KANSL1L: variants seen among roughly 807,000 people sequenced by gnomAD.
The protein encoded by KANSL1L is KAT8 regulatory NSL complex subunit 1 like.
A neutral mutation model predicts 108.6 loss-of-function variants in KANSL1L; 25 were observed. The ratio of observed to expected loss-of-function variants is 0.23; its 90% CI spans 0.17 to 0.32. The LOEUF is 0.32. Among genes scored for constraint, KANSL1L ranks in the 10% least tolerant of loss-of-function variants. The probability of loss-of-function intolerance (pLI) is 1.00; values close to 1 mark genes in which losing one functional copy is unlikely to be tolerated. For synonymous variants in KANSL1L, 405 were observed against 395.1 expected, an observed-to-expected ratio of 1.03 and a Z score of -0.30; for missense variants, 1,137 against 1,125.7, an observed-to-expected ratio of 1.01 and a Z score of -0.14.
intron 6 of KANSL1L, among the ~76,000 whole-genome samples, chr2:210,046,555 A>G (rs2094225070): frequency 6.6e-6 from 1 of 152,118 alleles, no homozygotes; most frequent in South Asian, 2.1e-4. Context: ...TGAGCAAACC[A>G]ACCCAACACG....
intron 3 of KANSL1L, among the ~76,000 whole-genome samples, chr2:210,124,123 C>T (rs1355277709): frequency 1.3e-5 from 2 of 152,032 alleles, no homozygotes; most frequent in Non-Finnish European, 2.9e-5. Context: ...AGTAAGGAAA[C>T]AGACAACTTA....
At chr2:210,027,917 T>A (rs1358841257) in intron 11 of KANSL1L, among the ~76,000 whole-genome samples, 1 of 152,226 alleles carries the variant, frequency 6.6e-6, no homozygotes, top group East Asian at 1.9e-4. Context: ...TCTTCTAGAA[T>A]ATTATGCTCT....
rs567230844 is a variant in KANSL1L, at chr2:210,096,627, G to A, written c.1550+1459C>T. 9.2e-5 allele frequency: 91 copies of A among 985,246 alleles called. No individual in the cohort carries two copies. In the Middle Eastern group the frequency reaches 1.6e-3, roughly 17 times the overall value. 61.0% of individuals were successfully genotyped at this position (985,246 alleles called of 1,614,324 possible). A position where few individuals can be genotyped will look rare whatever the true frequency, so the allele number is the denominator to read the frequency against. ...CACAATGCTTATACACCAATTTGATGTGTTTTATGGGGCAGCTTAAAATAC... is the reference window on the plus strand; with the variant it reads ...CACAATGCTTATACACCAATTTGATATGTTTTATGGGGCAGCTTAAAATAC... On this transcript the variant is annotated intron_variant, in intron 5 of 14. Coordinates refer to ENST00000281772, the MANE Select transcript of KANSL1L (RefSeq NM_152519.4).
Position 210,023,124 on chromosome 2 carries a change from A to G in KANSL1L, c.2789T>C (p.Leu930Ser). 6.2e-7 allele frequency: 1 copy of G among 1,614,010 alleles called. No homozygotes were observed. The change falls in exon 15 of 15, where the codon TTA (leucine) becomes TCA (serine). Residue 930 changes from leucine (L) to serine (S), a missense_variant. Leu to Ser is a moderately radical substitution (Grantham distance 145). Transcript: ENST00000281772. ...FPLKGEDMAA[L>S]LCQDEKKDQV... Reference sequence around the variant, plus strand: ...ATCCTTTTTTTCATCTTGACATAATAAGGCTGCCATGTCTTCACCCTTCAG... The same window carrying G: ...ATCCTTTTTTTCATCTTGACATAATGAGGCTGCCATGTCTTCACCCTTCAG...
chr2:210,028,848 G>T lies in KANSL1L; in HGVS notation c.2393C>A (p.Pro798Gln). Residue 798 changes from proline (P) to glutamine (Q), a missense_variant, in exon 11 of 15, where the codon CCA (proline) becomes CAA (glutamine). Transcript: ENST00000281772. ...EKLQYKEILTPSWRMVVLQPL... is the reference protein window; with the variant it reads ...EKLQYKEILTQSWRMVVLQPL... The stretch of plus-strand genomic sequence containing the variant: ...ATGAAGATGTAAGTATACATACCTT[G>T]GAGTAAGTATTTCCTTATATTGGAG... The T allele has an allele frequency of 6.3e-7, 1 of 1,575,022 alleles. No homozygotes were observed. The highest frequency in any genetic ancestry group is 8.7e-7 in the Non-Finnish European group (1 of 1,151,602).
chr2:210,024,578 A>G (rs1017107212), intron 13 of KANSL1L, among the ~76,000 whole-genome samples: 4 of 152,244 alleles, frequency 2.6e-5, no homozygotes, highest in African/African-American at 9.6e-5. Context: ...TATAATAAAT[A>G]TAAAATAGGA....
chr2:210,071,589 G>A (rs1410571572), intron 6 of KANSL1L, among the ~76,000 whole-genome samples: 2 of 151,994 alleles, frequency 1.3e-5, no homozygotes, highest in African/African-American at 4.8e-5. Flanking sequence ...CTTTTTATAA[G>A]GACATCAGTC....
At chr2:210,149,643 CCTAAGA>C (rs2095288584) in intron 2 of KANSL1L, among the ~76,000 whole-genome samples, 1 of 151,578 alleles carries the variant, frequency 6.6e-6, no homozygotes, top group Non-Finnish European at 1.5e-5. Context: ...TATTTAATGA[CCTAAGA>C]TAGAACTGAT....
At chr2:210,086,218 C>G (rs1217964207) in intron 5 of KANSL1L, among the ~76,000 whole-genome samples, 1 of 151,728 alleles carries the variant, frequency 6.6e-6, no homozygotes, top group Non-Finnish European at 1.5e-5. Flanking sequence ...ATGTCATATT[C>G]TGGGACTCAT....
chr2:210,111,284 C>T (rs983691298), intron 3 of KANSL1L, among the ~76,000 whole-genome samples: 1 of 151,888 alleles, frequency 6.6e-6, no homozygotes, highest in African/African-American at 2.4e-5. Context: ...TAGTACAATC[C>T]TACAATGGAA....
chr2:210,109,297 A>G (rs1256786266), intron 3 of KANSL1L, among the ~76,000 whole-genome samples: 1 of 152,134 alleles, frequency 6.6e-6, no homozygotes, highest in East Asian at 1.9e-4. Flanking sequence ...AGAGCCTAAA[A>G]TTTATTAATC....
Position 210,154,154 on chromosome 2 carries a change from G to A in KANSL1L, c.429C>T (p.Ser143=), listed in dbSNP as rs745822027. ...TAATTTGTACATCTTTCATGCACTG[G>A]CTCGTGGTATCTGATAGAGGCTCCT... is the stretch of plus-strand genomic sequence containing the variant. ...IKKEPLSDTT[S]QCMKDVQIIL... Residue 143 remains serine, a synonymous_variant, in exon 2 of 15, where the codon AGC becomes AGT. Transcript: ENST00000281772. 6 of 1,613,754 alleles carry A rather than the reference G, an allele frequency of 3.7e-6. No homozygotes were observed. The highest frequency in any genetic ancestry group is 5.1e-6 in the Non-Finnish European group (6 of 1,179,864).
At chr2:210,172,361 T>C (rs956462149), upstream of KANSL1L, among the ~76,000 whole-genome samples, 4 of 152,224 alleles carry the variant, frequency 2.6e-5, no homozygotes, top group Admixed American at 6.5e-5. Flanking sequence ...TAATAGCCAT[T>C]ATTTTAACCT....
chr2:210,154,833 A>G (rs1168202983), intron 1 of KANSL1L, among the ~76,000 whole-genome samples: 1 of 152,142 alleles, frequency 6.6e-6, no homozygotes, highest in East Asian at 1.9e-4. Flanking sequence ...ACACATTGCT[A>G]GCACATAATA....
chr2:210,117,247 T>G (rs1025216526), intron 3 of KANSL1L, among the ~76,000 whole-genome samples: 2 of 151,246 alleles, frequency 1.3e-5, no homozygotes, highest in African/African-American at 2.4e-5. Flanking sequence ...ACCTACCAGA[T>G]CAAAAAAATA....
At chr2:210,089,576 C>G (rs951672512) in intron 5 of KANSL1L, among the ~76,000 whole-genome samples, 1 of 151,958 alleles carries the variant, frequency 6.6e-6, no homozygotes, top group African/African-American at 2.4e-5. Flanking sequence ...GCCCAAGTCA[C>G]AAAATGTCTA....
intron 2 of KANSL1L, among the ~76,000 whole-genome samples, chr2:210,151,013 C>T (rs1301009486): frequency 2.0e-5 from 3 of 151,818 alleles, no homozygotes; most frequent in Non-Finnish European, 4.4e-5. Context: ...TCTGAAAAGA[C>T]AAAATTTTCT....
intron 1 of KANSL1L, among the ~76,000 whole-genome samples, chr2:210,158,332 A>G (rs2095344643): frequency 6.6e-6 from 1 of 152,210 alleles, no homozygotes; most frequent in African/African-American, 2.4e-5. Context: ...CAACCAACAT[A>G]TAGCAAAGAA....
intron 6 of KANSL1L, among the ~76,000 whole-genome samples, chr2:210,045,074 T>A (rs1401787659): frequency 6.6e-6 from 1 of 152,118 alleles, no homozygotes; most frequent in African/African-American, 2.4e-5. Flanking sequence ...CTGGCCACAT[T>A]AACCGATTTT....
Sources: allele counts gnomAD v4.1 joint callset (sites outside exome capture counted in the v4.1 genomes callset), GRCh38; gene constraint gnomAD v4.1.1; transcripts MANE v1.5; gene names NCBI Gene and HGNC (gene_info 2026-07-23, HGNC 2026-07-21).